Variants in GIT2 observed in about 807,000 individuals in gnomAD.
The protein encoded by GIT2 is GIT ArfGAP 2.
GIT2 carries 32 observed loss-of-function variants against 100.3 expected under a neutral mutation model. That is an observed-to-expected ratio of 0.32 (90% CI 0.24 to 0.43). The LOEUF (loss-of-function observed/expected upper bound fraction) is 0.43, where lower values mean the gene tolerates loss of function less well. Among genes scored for constraint, GIT2 ranks in the 20% least tolerant of loss-of-function variants. GIT2 has a pLI of 1.00. For missense variants in GIT2, 737 were observed against 975.1 expected, an observed-to-expected ratio of 0.76 and a Z score of 3.25; for synonymous variants, 353 against 364.1, an observed-to-expected ratio of 0.97 and a Z score of 0.35.
chr12:109,997,873 T>C (rs911711274), upstream of GIT2: 1 of 152,230 alleles, frequency 6.6e-6, no homozygotes, highest in Non-Finnish European at 1.5e-5. Flanking sequence ...TAAATCAGTG[T>C]GAAGGAGAAA....
chr12:109,943,396 C>T lies in GIT2; in HGVS notation c.1731+1864G>A, dbSNP rs906517746. Among the ~76,000 whole-genome samples the T allele has an allele frequency of 2.6e-5, 4 of 151,774 alleles. No individual in the cohort carries two copies. In the East Asian group the frequency reaches 7.8e-4, roughly 29 times the overall value. ...AGGCTGGAGTGCAGTGGTGCAATCTCGGCTTACTGCAACCTCCACTTCCCA... is the reference window on the plus strand; with the variant it reads ...AGGCTGGAGTGCAGTGGTGCAATCTTGGCTTACTGCAACCTCCACTTCCCA... On this transcript the variant is annotated intron_variant, in intron 16 of 19. Coordinates refer to ENST00000355312, the MANE Select transcript of GIT2 (RefSeq NM_057169.5).
intron 4 of GIT2, 192 bp from the exon 5 acceptor site, chr12:109,983,886 C>G: frequency 1.9e-6 from 1 of 536,878 alleles, no homozygotes; most frequent in Non-Finnish European, 3.3e-6. Context: ...GGAGTGAGGC[C>G]ACTTTACTGA....
At position 109,962,079 on chromosome 12, in the gene GIT2, TCA is replaced by T. The variant is rs1722136810; in HGVS notation, c.817-396_817-395del. Among the ~76,000 whole-genome samples the T allele has an allele frequency of 6.6e-6, 1 of 151,778 alleles. No homozygotes were observed. The highest frequency in any genetic ancestry group is 2.4e-5 in the African/African-American group (1 of 41,402). On this transcript the variant is annotated intron_variant, in intron 9 of 19. Coordinates refer to ENST00000355312, the MANE Select transcript of GIT2 (RefSeq NM_057169.5). This position sits in a 1 kb window ranked among gnomAD's most constrained non-coding sequence, Gnocchi z 4.3. ...TATAACCTTGCAAAAACAGCCAGGCTCAGTGGTGCACACCTATAATCCCAGCA... is the reference window on the plus strand; with the variant it reads ...TATAACCTTGCAAAAACAGCCAGGCTGTGGTGCACACCTATAATCCCAGCA...
intron 12 of GIT2, among the ~76,000 whole-genome samples, chr12:109,959,402 A>G (rs1593030759): frequency 6.6e-6 from 1 of 152,126 alleles, no homozygotes; most frequent in Admixed American, 6.5e-5. Context: ...CTTTAACAAG[A>G]TCTAAGCCAG....
intron 7 of GIT2, among the ~76,000 whole-genome samples, chr12:109,979,004 C>T (rs1480348996): frequency 6.6e-6 from 1 of 151,806 alleles, no homozygotes; most frequent in African/African-American, 2.4e-5. Flanking sequence ...TAGCAGGCAA[C>T]TGACCAGGTG....
At chr12:109,935,347 A>T (rs1592937354) in intron 18 of GIT2, among the ~76,000 whole-genome samples, 1 of 152,356 alleles carries the variant, frequency 6.6e-6, no homozygotes, top group African/African-American at 2.4e-5. Context: ...GCATACTAAT[A>T]AACTGTGTGT....
At chr12:109,979,871 G>A (rs1433015520) in intron 7 of GIT2, among the ~76,000 whole-genome samples, 1 of 152,132 alleles carries the variant, frequency 6.6e-6, no homozygotes, top group Non-Finnish European at 1.5e-5. Context: ...GAGAATCACT[G>A]CATACATGTA....
Position 109,939,258 on chromosome 12 carries a change from G to A in GIT2, c.1732-11C>T, listed in dbSNP as rs1344698043. On this transcript the variant is annotated splice_polypyrimidine_tract_variant and intron_variant, in intron 16 of 19. Coordinates refer to ENST00000355312, the MANE Select transcript of GIT2 (RefSeq NM_057169.5). ...CTCCAGCCTGGATGCCTACAAGAAA[G>A]AAGAGGGACCCTCATGAGTTTGTAA... The A allele has an allele frequency of 6.6e-7, 1 of 1,510,930 alleles. No homozygotes were observed. Among genetic ancestry groups the A allele is most frequent in the African/African-American group, 1.4e-5 (1 of 72,952 alleles). 93.6% of individuals were successfully genotyped at this position (1,510,930 alleles called of 1,614,324 possible). A position where few individuals can be genotyped will look rare whatever the true frequency, so the allele number is the denominator to read the frequency against.
intron 18 of GIT2, among the ~76,000 whole-genome samples, chr12:109,936,725 C>T (rs1192295285): frequency 6.6e-6 from 1 of 152,134 alleles, no homozygotes; most frequent in Non-Finnish European, 1.5e-5. Context: ...AAAAAATTAG[C>T]TGGGCATGGT....
chr12:109,999,719 T>C (rs756596856), upstream of GIT2: 5 of 1,538,450 alleles, frequency 3.3e-6, no homozygotes, highest in South Asian at 6.0e-5. The surrounding 1 kb of genome is among the most constrained non-coding windows in gnomAD (Gnocchi z 4.3). Context: ...GGGCGACCAC[T>C]ACCCCCTGCA....
Position 109,948,786 on chromosome 12 carries a change from CTG to C in GIT2, c.1393-1284_1393-1283del. ...CAATTTTTATTTAGAAAGCACCAAT[CTG>C]TGAAAAATACACCAATAGTAGTTGC... On this transcript the variant is annotated intron_variant, in intron 14 of 19. Coordinates refer to ENST00000355312, the MANE Select transcript of GIT2 (RefSeq NM_057169.5). The surrounding 1 kb of genome is among the most constrained non-coding windows in gnomAD (Gnocchi z 4.3). The C allele has an allele frequency of 6.3e-7, 1 of 1,591,038 alleles. No homozygotes were observed. The highest frequency in any genetic ancestry group is 8.5e-7 in the Non-Finnish European group (1 of 1,172,824).
rs186545021 is a variant in GIT2, at chr12:109,929,861, C to T, written c.*3117G>A. On this transcript the variant is annotated 3_prime_UTR_variant, in exon 20 of 20. Transcript: ENST00000355312. Reference sequence around the variant, plus strand: ...AGGCACAAATTCCAAAACGATTTTACAACACTTAAAGGGCACAATAATTAC... The same window carrying T: ...AGGCACAAATTCCAAAACGATTTTATAACACTTAAAGGGCACAATAATTAC... The T allele has an allele frequency of 2.0e-5, 3 of 152,602 alleles. No individual in the cohort carries two copies. The highest frequency in any genetic ancestry group is 6.5e-5 in the Admixed American group (1 of 15,292). The allele number at this position is 152,602 out of a possible 1,614,324, so 9.5% of individuals were successfully genotyped here.
At chr12:109,950,930 T>C in intron 14 of GIT2, 1 of 506,590 alleles carries the variant, frequency 2.0e-6, no homozygotes, top group South Asian at 2.3e-5. Flanking sequence ...GTTATTCTAA[T>C]GGGCACAAAT....
chr12:109,946,866 T>C (rs1334518006), intron 15 of GIT2, among the ~76,000 whole-genome samples: 2 of 152,202 alleles, frequency 1.3e-5, no homozygotes, highest in African/African-American at 4.8e-5. Flanking sequence ...GGCACATCCC[T>C]GTCTAGCTCC....
chr12:109,959,811 C>CA, intron 12 of GIT2, 36 bp downstream of exon 12: 1 of 1,282,150 alleles, frequency 7.8e-7, no homozygotes, highest in Non-Finnish European at 1.1e-6. Context: ...TTTAGAGGGC[C>CA]AAAAAATGCA....
In GIT2 at chr12:109,967,477, T is replaced by C; in HGVS notation, c.745A>G (p.Ile249Val). ...GCTTACCTGTCTGCCATTTGAGGTATTATAAAGTGCTGTCCATTTTTGTGA... is the reference window on the plus strand; with the variant it reads ...GCTTACCTGTCTGCCATTTGAGGTACTATAAAGTGCTGTCCATTTTTGTGA... Reference protein sequence around the residue: ...PDHKNGQHFIIPQMADSSLDL... With the variant: ...PDHKNGQHFIVPQMADSSLDL... The change falls in exon 8 of 20, where the codon ATA (isoleucine) becomes GTA (valine). Residue 249 changes from isoleucine to valine, a missense_variant. By Grantham distance (29) the Ile-to-Val change is conservative. Around this residue, in one of 3 missense-constraint regions of GIT2, gnomAD observed 266 missense variants for 376.2 expected, o/e 0.71. Coordinates refer to ENST00000355312, the MANE Select transcript of GIT2 (RefSeq NM_057169.5). 6.2e-7 allele frequency: 1 copy of C among 1,604,850 alleles called. No homozygotes were observed. Among genetic ancestry groups the C allele is most frequent in the South Asian group, 1.1e-5 (1 of 90,900 alleles).
chr12:109,978,126 A>T (rs1343754320), intron 7 of GIT2, among the ~76,000 whole-genome samples: 1 of 122,238 alleles, frequency 8.2e-6, no homozygotes, highest in Non-Finnish European at 1.6e-5. Flanking sequence ...TCTGTTGCCC[A>T]GGTTGGAGTG....
At chr12:109,999,857 C>A, upstream of GIT2, 2 of 1,351,458 alleles carry the variant, frequency 1.5e-6, no homozygotes, top group Non-Finnish European at 2.0e-6. This position sits in a 1 kb window ranked among gnomAD's most constrained non-coding sequence, Gnocchi z 4.3. Context: ...CCTCCCTGAG[C>A]CCATTTCCAG....
chr12:109,965,912 A>AAAATAT (rs943508163), intron 8 of GIT2: 1 of 429,970 alleles, frequency 2.3e-6, no homozygotes, highest in African/African-American at 2.0e-5. Flanking sequence ...ATGATATAAG[A>AAAATAT]AAATATGTCG....
Sources: allele counts gnomAD v4.1 joint callset (sites outside exome capture counted in the v4.1 genomes callset), GRCh38; gene constraint gnomAD v4.1.1; regional missense constraint gnomAD v4.1.1; non-coding constraint Gnocchi (gnomAD v3.1); transcripts MANE v1.5; gene names NCBI Gene and HGNC (gene_info 2026-07-23, HGNC 2026-07-21).